Variants in MALRD1 observed in about 807,000 individuals in gnomAD.
The protein encoded by MALRD1 is MAM and LDL-receptor class A domain-containing protein 1.
MALRD1 carries 247 observed loss-of-function variants against 242.1 expected under a neutral mutation model. That is an observed-to-expected ratio of 1.02 (90% CI 0.92 to 1.13). The LOEUF is 1.13. MALRD1 is among the 50% of genes most tolerant of loss of function. MALRD1 has a pLI of 0.00. For synonymous variants in MALRD1, 995 were observed against 866.6 expected (o/e 1.15, Z -2.60); for missense variants, 2,989 against 2,533.1 (o/e 1.18, Z -3.86).
At position 19,647,420 on chromosome 10, in the gene MALRD1, A is replaced by G. The variant is rs1327341274; in HGVS notation, c.6137+31497A>G. On this transcript the variant is annotated intron_variant, in intron 36 of 39. Transcript: ENST00000454679. ...GTCTCCTTGGGAGTACATAGCAAGT[A>G]GGCCTTCCATAGGAAAGTGACTGTT... Among the ~76,000 whole-genome samples the G allele has an allele frequency of 2.6e-5, 4 of 152,184 alleles. No homozygotes were observed. The East Asian group carries it at 7.7e-4, about 29-fold the overall frequency.
Position 19,166,782 on chromosome 10 carries a change from G to A in MALRD1, c.1830+972G>A, listed in dbSNP as rs558725847. ...TGGGTGTTCTAATTTCTACCTTCCTGTATATAAGTCTTCTGGATGACATTT... is the reference window on the plus strand; with the variant it reads ...TGGGTGTTCTAATTTCTACCTTCCTATATATAAGTCTTCTGGATGACATTT... On this transcript the variant is annotated intron_variant, in intron 13 of 39. Coordinates refer to ENST00000454679, the MANE Select transcript of MALRD1 (RefSeq NM_001142308.3). 7.6e-4 allele frequency among the ~76,000 whole-genome samples: 115 copies of A among 152,264 alleles called. 1 individual carries two copies. Among genetic ancestry groups the A allele is most frequent in the African/African-American group, 2.6e-3 (107 of 41,544 alleles).
intron 18 of MALRD1, among the ~76,000 whole-genome samples, chr10:19,232,175 T>C (rs1227150398): frequency 1.3e-5 from 2 of 152,004 alleles, no homozygotes; most frequent in Non-Finnish European, 2.9e-5. Flanking sequence ...GTTAAGATTT[T>C]CAGTGTGACT....
chr10:19,730,169 A>T (rs936768530), intron 38 of MALRD1, among the ~76,000 whole-genome samples: 4 of 152,248 alleles, frequency 2.6e-5, no homozygotes, highest in African/African-American at 9.6e-5. Flanking sequence ...GAGTTTCATG[A>T]AACACTACCC....
intron 33 of MALRD1, 52 bp downstream of exon 33, chr10:19,567,755 A>T (rs1017511629): frequency 6.9e-7 from 1 of 1,443,216 alleles, no homozygotes; most frequent in African/African-American, 1.4e-5. Flanking sequence ...TAGTATCTAA[A>T]TATACTAAAG....
chr10:19,293,279 C>T (rs1426521392), intron 21 of MALRD1, among the ~76,000 whole-genome samples: 2 of 152,120 alleles, frequency 1.3e-5, no homozygotes, highest in Non-Finnish European at 2.9e-5. Context: ...GTTATATATA[C>T]ATATATTTTT....
intron 36 of MALRD1, among the ~76,000 whole-genome samples, chr10:19,631,772 G>T (rs1477888740): frequency 6.6e-6 from 1 of 152,086 alleles, no homozygotes; most frequent in Non-Finnish European, 1.5e-5. Flanking sequence ...TATGCATGTT[G>T]CCTGCATGTA....
rs565647277 is a variant in MALRD1 at position 19,106,135 on chromosome 10, C to G, written c.694+2060C>G. Reference sequence around the variant, plus strand: ...GTTACATGCATAGAATGTATTCAGTCTCCCTTTATATTCTCTTCCCACCCA... The same window carrying G: ...GTTACATGCATAGAATGTATTCAGTGTCCCTTTATATTCTCTTCCCACCCA... On this transcript the variant is annotated intron_variant, in intron 5 of 39. Coordinates refer to ENST00000454679, the MANE Select transcript of MALRD1 (RefSeq NM_001142308.3). 1.4e-4 allele frequency among the ~76,000 whole-genome samples: 22 copies of G among 151,902 alleles called. No individual in the cohort carries two copies. In the South Asian group the frequency reaches 2.1e-3, roughly 14 times the overall value.
chr10:19,084,360 A>C (rs1015146197), intron 2 of MALRD1, among the ~76,000 whole-genome samples: 1 of 151,948 alleles, frequency 6.6e-6, no homozygotes, highest in Admixed American at 6.6e-5. Context: ...AAGTTTTGAC[A>C]TGTTAACATT....
chr10:19,644,601 T>G (rs1036745989), intron 36 of MALRD1, among the ~76,000 whole-genome samples: 10 of 151,678 alleles, frequency 6.6e-5, no homozygotes, highest in African/African-American at 1.9e-4. Flanking sequence ...ATAAGCACTT[T>G]CCAAGATCTT....
At chr10:19,697,904 G>A (rs1000195116) in intron 38 of MALRD1, among the ~76,000 whole-genome samples, 1 of 151,870 alleles carries the variant, frequency 6.6e-6, no homozygotes, top group Non-Finnish European at 1.5e-5. Context: ...TTTTCTTCCA[G>A]TAACTTATTT....
At chr10:19,562,574 C>T (rs539757183) in intron 32 of MALRD1, among the ~76,000 whole-genome samples, 2 of 152,090 alleles carry the variant, frequency 1.3e-5, no homozygotes, top group Non-Finnish European at 2.9e-5. Flanking sequence ...TGTTCTAGTA[C>T]ATTGTGGTTC....
chr10:19,183,382 C>T lies in MALRD1; in HGVS notation c.1951+8054C>T, dbSNP rs899530737. Among the ~76,000 whole-genome samples, 57 of 151,680 alleles carry T rather than the reference C, an allele frequency of 3.8e-4. 1 individual carries two copies. Among genetic ancestry groups the T allele is most frequent in the African/African-American group, 1.3e-3 (55 of 41,282 alleles). On this transcript the variant is annotated intron_variant, in intron 14 of 39. Transcript: ENST00000454679. Reference sequence around the variant, plus strand: ...TCTAATGTTGAACAAATGAGCATATCACTTCTCTTACAGAGACCTTAATTG... The same window carrying T: ...TCTAATGTTGAACAAATGAGCATATTACTTCTCTTACAGAGACCTTAATTG...
At chr10:19,201,410 T>A (rs1437091100) in intron 14 of MALRD1, among the ~76,000 whole-genome samples, 2 of 152,158 alleles carry the variant, frequency 1.3e-5, no homozygotes, top group African/African-American at 4.8e-5. Flanking sequence ...TTTACTACCA[T>A]TCGAATATTC....
At chr10:19,617,840 T>C (rs1253979688) in intron 36 of MALRD1, among the ~76,000 whole-genome samples, 4 of 152,078 alleles carry the variant, frequency 2.6e-5, no homozygotes. Context: ...CCTACACATG[T>C]AGTTTTATTT....
chr10:19,347,383 G>A (rs1313855102), intron 24 of MALRD1, among the ~76,000 whole-genome samples: 1 of 151,964 alleles, frequency 6.6e-6, no homozygotes, highest in Non-Finnish European at 1.5e-5. Flanking sequence ...CTTTTGCTTG[G>A]GGCAGCATTA....
intron 1 of MALRD1, among the ~76,000 whole-genome samples, chr10:19,065,279 C>T (rs1171835039): frequency 1.5e-5 from 1 of 67,840 alleles, no homozygotes; most frequent in Non-Finnish European, 2.5e-5. Flanking sequence ...AAGAGCAAAA[C>T]GCTGTCTCAA....
At chr10:19,294,615 C>G (rs1189706749) in intron 21 of MALRD1, among the ~76,000 whole-genome samples, 1 of 152,132 alleles carries the variant, frequency 6.6e-6, no homozygotes, top group Admixed American at 6.5e-5. Flanking sequence ...GTGGTCCACT[C>G]AGGTAACGAC....
At chr10:19,228,982 G>A (rs7073212) in intron 18 of MALRD1, among the ~76,000 whole-genome samples, 1 of 60,536 alleles carries the variant, frequency 1.7e-5, no homozygotes, top group Non-Finnish European at 3.7e-5. Context: ...AATGCATGTG[G>A]TGTGTGTGTG....
intron 19 of MALRD1, among the ~76,000 whole-genome samples, chr10:19,267,426 T>G (rs1253696437): frequency 1.3e-5 from 2 of 152,064 alleles, no homozygotes; most frequent in Non-Finnish European, 2.9e-5. Context: ...CCTCACACAT[T>G]AAATGTGTTG....
Sources: allele counts gnomAD v4.1 joint callset (sites outside exome capture counted in the v4.1 genomes callset), GRCh38; gene constraint gnomAD v4.1.1; transcripts MANE v1.5; gene names NCBI Gene and HGNC (gene_info 2026-07-23, HGNC 2026-07-21).